SPRED2: variants seen among roughly 807,000 people sequenced by gnomAD.
SPRED2 encodes sprouty-related, EVH1 domain-containing protein 2.
A neutral mutation model predicts 43.0 loss-of-function variants in SPRED2; 47 were observed. The ratio of observed to expected loss-of-function variants is 1.09; its 90% CI spans 0.87 to 1.40. The LOEUF is 1.40. Ranked by LOEUF, SPRED2 falls within the 40% of genes most tolerant of loss-of-function variation. The pLI, the probability that SPRED2 is intolerant of heterozygous loss-of-function variation, is 0.00. For synonymous variants in SPRED2, 225 were observed against 225.7 expected (o/e 1.00, Z 0.03); for missense variants, 561 against 586.4 (o/e 0.96, Z 0.45).
intron 1 of SPRED2, among the ~76,000 whole-genome samples, chr2:65,366,305 AAAC>A (rs6146790): frequency 6.6e-6 from 1 of 151,436 alleles, no homozygotes; most frequent in African/African-American, 2.4e-5. Flanking sequence ...TAATAATAAA[AAAC>A]AACAACAACA....
chr2:65,345,922 A>C (rs958501017), intron 1 of SPRED2, among the ~76,000 whole-genome samples: 6 of 152,222 alleles, frequency 3.9e-5, no homozygotes, highest in African/African-American at 1.4e-4. Context: ...GATTTTTGGC[A>C]AGGCCATTAC....
chr2:65,402,602 G>C lies in SPRED2; in HGVS notation c.26+29360C>G, dbSNP rs76459410. Among the ~76,000 whole-genome samples, 396 of 152,298 alleles carry C rather than the reference G, an allele frequency of 2.6e-3. 2 individuals carry two copies. The highest frequency in any genetic ancestry group is 9.1e-3 in the African/African-American group (378 of 41,556). On this transcript the variant is annotated intron_variant, in intron 1 of 5. Coordinates refer to ENST00000356388, the MANE Select transcript of SPRED2 (RefSeq NM_181784.3). ...CAGGCCTGCAGAGGGAAAGGAGAAG[G>C]GGGTAGGATTGAGCCCCTGGGGTGC...
chr2:65,334,651 T>C lies in SPRED2; in HGVS notation c.327A>G (p.Arg109=), dbSNP rs1673911001. 1 of 1,614,132 alleles carries C rather than the reference T, an allele frequency of 6.2e-7. No homozygotes were observed. Among genetic ancestry groups the C allele is most frequent in the Admixed American group, 1.7e-5 (1 of 60,008 alleles). The stretch of plus-strand genomic sequence containing the variant: ...CTTTCCTTACTCCCCTGTCAAAGGC[T>C]CGGGCATCAGCAGGGCTTTGGAAAG... ...GLTFQSPADA[R]AFDRGVRKAI... Residue 109 remains arginine, a synonymous_variant, in exon 3 of 6, where the codon CGA becomes CGG. Coordinates refer to ENST00000356388, the MANE Select transcript of SPRED2 (RefSeq NM_181784.3).
At chr2:65,401,473 A>T (rs1436540502) in intron 1 of SPRED2, among the ~76,000 whole-genome samples, 2 of 151,908 alleles carry the variant, frequency 1.3e-5, no homozygotes. Context: ...GGTAGCATCA[A>T]GTACAAAGAC....
chr2:65,313,274 G>A lies in SPRED2; in HGVS notation c.*227C>T. On this transcript the variant is annotated 3_prime_UTR_variant, in exon 6 of 6. Transcript: ENST00000356388. ...AGGTTCCTTCCTCAGAACACTGTGC[G>A]AGCGTGTGTGTATGGATGTGGCTGC... The A allele has an allele frequency of 2.2e-6, 3 of 1,385,020 alleles. No individual in the cohort carries two copies. Among genetic ancestry groups the A allele is most frequent in the African/African-American group, 1.4e-5 (1 of 69,124 alleles). 85.8% of individuals were successfully genotyped at this position (1,385,020 alleles called of 1,614,324 possible). A position where few individuals can be genotyped will look rare whatever the true frequency, so the allele number is the denominator to read the frequency against.
intron 1 of SPRED2, among the ~76,000 whole-genome samples, chr2:65,403,295 G>C (rs1345477977): frequency 6.6e-6 from 1 of 152,178 alleles, no homozygotes; most frequent in Non-Finnish European, 1.5e-5. Context: ...TTAAAAGACA[G>C]GGTCTCACTC....
chr2:65,323,108 C>T (rs1673481765), intron 4 of SPRED2, among the ~76,000 whole-genome samples: 1 of 152,218 alleles, frequency 6.6e-6, no homozygotes. Flanking sequence ...GATTCTTATG[C>T]CTCAGCCTCC....
At chr2:65,391,464 T>C (rs561630054) in intron 1 of SPRED2, among the ~76,000 whole-genome samples, 5 of 152,330 alleles carry the variant, frequency 3.3e-5, no homozygotes, top group African/African-American at 1.2e-4. Flanking sequence ...TTGGATCATG[T>C]TATGTAGGCA....
chr2:65,413,687 A>G (rs72896593), intron 1 of SPRED2, among the ~76,000 whole-genome samples: 3,367 of 152,256 alleles, frequency 0.022, 136 homozygotes, highest in African/African-American at 0.077. Context: ...GTGTGGTAAG[A>G]CAGGGCATCC....
chr2:65,317,387 C>A (rs537550646), intron 4 of SPRED2, among the ~76,000 whole-genome samples: 1 of 152,202 alleles, frequency 6.6e-6, no homozygotes, highest in East Asian at 1.9e-4. Context: ...GTGGCAGGTG[C>A]CTATAATCCC....
At chr2:65,318,499 G>A (rs1177685782) in intron 4 of SPRED2, among the ~76,000 whole-genome samples, 1 of 151,144 alleles carries the variant, frequency 6.6e-6, no homozygotes, top group East Asian at 2.0e-4. Context: ...CTTGCTTAGA[G>A]TGACATATCT....
chr2:65,333,968 C>T (rs1572846242), intron 3 of SPRED2: 1 of 258,076 alleles, frequency 3.9e-6, no homozygotes, highest in Admixed American at 4.9e-5. Context: ...GCTTCTTTAA[C>T]CCTCTGATTT....
chr2:65,401,068 A>G (rs751506566), intron 1 of SPRED2, among the ~76,000 whole-genome samples: 2 of 151,888 alleles, frequency 1.3e-5, no homozygotes, highest in African/African-American at 2.4e-5. Context: ...CCCAGGTTCA[A>G]GTGATTCTTC....
chr2:65,407,969 T>A (rs1398936546), intron 1 of SPRED2, among the ~76,000 whole-genome samples: 1 of 152,282 alleles, frequency 6.6e-6, no homozygotes, highest in Non-Finnish European at 1.5e-5. Flanking sequence ...AAAACGATTA[T>A]GACATGGTCC....
In SPRED2 at chr2:65,312,405, T is replaced by G; in HGVS notation, c.*1096A>C. ...TGCAACCCACCACTCTTCAAATTTA[T>G]GACATTTAAAAATCCCCTCTCCCCA... On this transcript the variant is annotated 3_prime_UTR_variant, in exon 6 of 6. Transcript: ENST00000356388. The G allele has an allele frequency of 1.0e-6, 1 of 985,450 alleles. No individual in the cohort carries two copies. The highest frequency in any genetic ancestry group is 1.2e-6 in the Non-Finnish European group (1 of 829,934). 61.0% of individuals were successfully genotyped at this position (985,450 alleles called of 1,614,324 possible).
At chr2:65,369,885 T>C (rs1217119808) in intron 1 of SPRED2, among the ~76,000 whole-genome samples, 4 of 152,256 alleles carry the variant, frequency 2.6e-5, no homozygotes, top group Admixed American at 6.5e-5. Context: ...CCTGGACATA[T>C]ATGTCTTCTG....
intron 1 of SPRED2, among the ~76,000 whole-genome samples, chr2:65,383,984 CAG>C (rs901696847): frequency 4.9e-4 from 75 of 152,310 alleles, no homozygotes; most frequent in African/African-American, 1.8e-3. Flanking sequence ...GCTGTCCCAC[CAG>C]AGATTTCCGG....
chr2:65,432,022 G>A lies in SPRED2; in HGVS notation c.-35C>T, dbSNP rs374224374. Reference sequence around the variant, plus strand: ...CACCTAGACGCCTGTCCCGCGGCGGGCAGCTTTGCTCCCTTCATCTTCCTG... The same window carrying A: ...CACCTAGACGCCTGTCCCGCGGCGGACAGCTTTGCTCCCTTCATCTTCCTG... On this transcript the variant is annotated 5_prime_UTR_variant, in exon 1 of 6. Coordinates refer to ENST00000356388, the MANE Select transcript of SPRED2 (RefSeq NM_181784.3). 3.1e-6 allele frequency: 5 copies of A among 1,613,572 alleles called. No homozygotes were observed. Among genetic ancestry groups the A allele is most frequent in the Middle Eastern group, 1.7e-4 (1 of 6,060 alleles).
At chr2:65,391,002 C>G (rs1213565025) in intron 1 of SPRED2, among the ~76,000 whole-genome samples, 1 of 150,824 alleles carries the variant, frequency 6.6e-6, no homozygotes, top group Non-Finnish European at 1.5e-5. Flanking sequence ...GTGGGAGAAT[C>G]GCTTGAGCCT....
Sources: gnomAD v4.1 joint callset for allele counts (sites outside exome capture counted in the v4.1 genomes callset) on GRCh38, gnomAD v4.1.1 for gene constraint, MANE v1.5 for transcripts, NCBI Gene and HGNC (gene_info 2026-07-23, HGNC 2026-07-21) for gene names.